Variants in EFL1 observed in about 807,000 individuals in gnomAD.
EFL1 encodes the protein elongation factor-like GTPase 1.
EFL1 carries 76 observed loss-of-function variants against 126.7 expected under a neutral mutation model. The ratio of observed to expected loss-of-function variants is 0.60; its 90% CI spans 0.50 to 0.73. The LOEUF (loss-of-function observed/expected upper bound fraction) is 0.73. Among genes scored for constraint, EFL1 ranks in the 30% least tolerant of loss-of-function variants. EFL1 has a pLI of 0.00. For missense variants in EFL1, 1,128 were observed against 1,343.2 expected, an observed-to-expected ratio of 0.84 and a Z score of 2.50; for synonymous variants, 410 against 448.4, an observed-to-expected ratio of 0.91 and a Z score of 1.08.
At chr15:82,214,129 C>T (rs1326267207) in intron 15 of EFL1, among the ~76,000 whole-genome samples, 2 of 152,164 alleles carry the variant, frequency 1.3e-5, no homozygotes, top group Non-Finnish European at 2.9e-5. Context: ...CTACAATACA[C>T]TCTGGATGCA....
rs1368237267 is a variant in EFL1 at position 82,259,138 on chromosome 15, C to A, written c.109G>T (p.Asp37Tyr). The A allele has an allele frequency of 6.2e-7, 1 of 1,614,050 alleles. No homozygotes were observed. Among genetic ancestry groups the A allele is most frequent in the Non-Finnish European group, 8.5e-7 (1 of 1,179,950 alleles). Residue 37 changes from aspartate (D) to tyrosine (Y), a missense_variant, in exon 3 of 20, where the codon GAC becomes TAC. Physicochemically the swap from Asp to Tyr is radical, Grantham distance 160. Transcript: ENST00000268206. ...ATTCCATTGCTAGATATAAGACAGT[C>A]AGCCAGAGTAGTTTTTCCTGTTAAA... ...HVDHGKTTLA[D>Y]CLISSNGIIS...
intron 18 of EFL1, among the ~76,000 whole-genome samples, chr15:82,144,620 C>T (rs1451708603): frequency 1.3e-5 from 2 of 152,186 alleles, no homozygotes; most frequent in African/African-American, 2.4e-5. Flanking sequence ...ACAGTATTGG[C>T]ACATGCAGCT....
chr15:82,245,797 T>C (rs28470877), intron 4 of EFL1, among the ~76,000 whole-genome samples: 24,851 of 151,818 alleles, frequency 0.16, 2,404 homozygotes, highest in Non-Finnish European at 0.23. Flanking sequence ...TAGCCAGGCA[T>C]GGTGGCACAT....
chr15:82,197,950 T>C (rs1283742581), intron 15 of EFL1, among the ~76,000 whole-genome samples: 1 of 152,222 alleles, frequency 6.6e-6, no homozygotes, highest in Non-Finnish European at 1.5e-5. Context: ...CAGGGGGATA[T>C]AGTCTATAAC....
At position 82,262,687 on chromosome 15, in the gene EFL1, G is replaced by A. The variant is rs2075140698; in HGVS notation, c.-93C>T. 3.4e-6 allele frequency: 2 copies of A among 592,034 alleles called. No homozygotes were observed. The highest frequency in any genetic ancestry group is 3.4e-5 in the Admixed American group (1 of 29,202). The allele number at this position is 592,034 out of a possible 1,614,324, so 36.7% of individuals were successfully genotyped here. On this transcript the variant is annotated 5_prime_UTR_variant, in exon 1 of 20. Transcript: ENST00000268206. ...ACACCGAGAGCTTCCGAAAGTCCGA[G>A]AGCTCTGCGGGTCCGACACGCCCGC...
At chr15:82,155,424 C>T (rs1028458087) in intron 17 of EFL1, among the ~76,000 whole-genome samples, 1 of 152,096 alleles carries the variant, frequency 6.6e-6, no homozygotes, top group African/African-American at 2.4e-5. Flanking sequence ...ATTGCCTGAG[C>T]CCAGGAAGCG....
chr15:82,151,432 CATT>C, intron 18 of EFL1, 30 bp downstream of exon 18: 1 of 1,550,676 alleles, frequency 6.4e-7, no homozygotes, highest in Non-Finnish European at 8.7e-7. Context: ...TTATTCAGGG[CATT>C]TCTCACTATC....
At chr15:82,245,933 T>TAA (rs113073635) in intron 4 of EFL1, among the ~76,000 whole-genome samples, 1 of 136,718 alleles carries the variant, frequency 7.3e-6, no homozygotes, top group Admixed American at 7.3e-5. Flanking sequence ...ACTCTTGTCT[T>TAA]AAAAAAAAAA....
At chr15:82,245,414 A>G (rs2074963032) in intron 4 of EFL1, among the ~76,000 whole-genome samples, 1 of 152,144 alleles carries the variant, frequency 6.6e-6, no homozygotes, top group Non-Finnish European at 1.5e-5. Flanking sequence ...TGCTGGGATT[A>G]CAGATGTGAG....
intron 15 of EFL1, among the ~76,000 whole-genome samples, chr15:82,196,703 T>C (rs1378750323): frequency 1.3e-5 from 2 of 152,242 alleles, no homozygotes; most frequent in Non-Finnish European, 2.9e-5. Context: ...TAAACGTTGG[T>C]TAAATCTAAT....
chr15:82,136,202 A>C (rs1218386740), intron 19 of EFL1, among the ~76,000 whole-genome samples: 2 of 152,222 alleles, frequency 1.3e-5, no homozygotes, highest in African/African-American at 4.8e-5. Flanking sequence ...ATTCAAATGA[A>C]TCATTCTTCC....
At chr15:82,243,898 T>C (rs551327287) in intron 4 of EFL1, among the ~76,000 whole-genome samples, 1 of 152,190 alleles carries the variant, frequency 6.6e-6, no homozygotes, top group South Asian at 2.1e-4. Context: ...AAAATAAGTG[T>C]CTGATCAAAT....
Position 82,259,213 on chromosome 15 carries a change from C to T in EFL1, c.92-58G>A. 4 of 1,438,818 alleles carry T rather than the reference C, an allele frequency of 2.8e-6. No individual in the cohort carries two copies. The East Asian group carries it at 6.8e-5, about 25-fold the overall frequency. 89.1% of individuals were successfully genotyped at this position (1,438,818 alleles called of 1,614,324 possible). On this transcript the variant is annotated intron_variant, in intron 2 of 19. Coordinates refer to ENST00000268206, the MANE Select transcript of EFL1 (RefSeq NM_024580.6). ...ATCTTTTTTAAAAGGGGTCATGGATCATACCTATAGATTTAAAATCTGGTC... is the reference window on the plus strand; with the variant it reads ...ATCTTTTTTAAAAGGGGTCATGGATTATACCTATAGATTTAAAATCTGGTC...
intron 11 of EFL1, among the ~76,000 whole-genome samples, chr15:82,226,079 A>G (rs1363487327): frequency 1.3e-5 from 2 of 152,216 alleles, no homozygotes; most frequent in African/African-American, 2.4e-5. Flanking sequence ...TAAGAGGATC[A>G]CTCTGTTTTG....
chr15:82,248,592 C>T (rs901108451), intron 4 of EFL1, among the ~76,000 whole-genome samples: 4 of 152,100 alleles, frequency 2.6e-5, no homozygotes, highest in African/African-American at 9.7e-5. Context: ...TGCATATGGA[C>T]CTCTTTGCAG....
chr15:82,134,371 C>T (rs1006153548), intron 19 of EFL1, among the ~76,000 whole-genome samples: 7 of 147,176 alleles, frequency 4.8e-5, no homozygotes, highest in Non-Finnish European at 7.5e-5. Context: ...GAAAAAGGTG[C>T]TTTTTTTTTT....
intron 4 of EFL1, among the ~76,000 whole-genome samples, chr15:82,242,008 G>T (rs2074936017): frequency 6.6e-6 from 1 of 152,192 alleles, no homozygotes; most frequent in Non-Finnish European, 1.5e-5. Flanking sequence ...TAAACTTATA[G>T]TAGGGTGATG....
At chr15:82,132,217 G>A (rs2073656939) in intron 19 of EFL1, among the ~76,000 whole-genome samples, 1 of 152,134 alleles carries the variant, frequency 6.6e-6, no homozygotes, top group South Asian at 2.1e-4. Context: ...GCAGCTGCCT[G>A]TGTCCTGGTG....
chr15:82,149,862 T>G (rs551207345), intron 18 of EFL1, among the ~76,000 whole-genome samples: 229 of 152,258 alleles, frequency 1.5e-3, no homozygotes, highest in African/African-American at 5.1e-3. Context: ...TGGCCATCAA[T>G]AGAAGTATTC....
Sources: gnomAD v4.1 joint callset for allele counts (sites outside exome capture counted in the v4.1 genomes callset) on GRCh38, gnomAD v4.1.1 for gene constraint, MANE v1.5 for transcripts, NCBI Gene and HGNC (gene_info 2026-07-23, HGNC 2026-07-21) for gene names.